CAP2: variants seen among roughly 807,000 people sequenced by gnomAD.
The protein encoded by CAP2 is cyclase associated actin cytoskeleton regulatory protein 2.
In CAP2, 24 loss-of-function variants were observed where a neutral mutation model predicts 57.7. The observed-to-expected ratio is 0.42, with a 90% CI of 0.30 to 0.58. The LOEUF (loss-of-function observed/expected upper bound fraction) is 0.58, where lower values mean the gene tolerates loss of function less well. Ranked by LOEUF, CAP2 falls within the 20% of genes least tolerant of loss-of-function variation. CAP2 has a pLI of 0.22. For missense variants in CAP2, 501 were observed against 590.3 expected (o/e 0.85, Z 1.57); for synonymous variants, 194 against 207.2 (o/e 0.94, Z 0.55).
At chr6:17,404,002 A>G (rs1458602784) in intron 1 of CAP2, among the ~76,000 whole-genome samples, 1 of 152,240 alleles carries the variant, frequency 6.6e-6, no homozygotes, top group Non-Finnish European at 1.5e-5. Context: ...ACAAGTAAAA[A>G]AATTGAAGAC....
At chr6:17,554,493 G>A (rs537217405) in intron 12 of CAP2, among the ~76,000 whole-genome samples, 1 of 152,374 alleles carries the variant, frequency 6.6e-6, no homozygotes, top group East Asian at 1.9e-4. Flanking sequence ...TCTGGGCTCA[G>A]AGGATCTGCT....
At chr6:17,493,875 C>T (rs1428031748) in intron 4 of CAP2, among the ~76,000 whole-genome samples, 3 of 151,848 alleles carry the variant, frequency 2.0e-5, no homozygotes, top group Non-Finnish European at 2.9e-5. Context: ...CGAAACAGTA[C>T]GTCTAAATCG....
chr6:17,545,694 C>T (rs1763026836), intron 11 of CAP2, among the ~76,000 whole-genome samples: 1 of 152,124 alleles, frequency 6.6e-6, no homozygotes, highest in Non-Finnish European at 1.5e-5. Context: ...CTATCCCTCC[C>T]CCTCCCCCAA....
At chr6:17,454,239 G>T (rs1043032267) in intron 3 of CAP2, among the ~76,000 whole-genome samples, 1 of 152,018 alleles carries the variant, frequency 6.6e-6, no homozygotes, top group Non-Finnish European at 1.5e-5. Context: ...TCCCTGGGAT[G>T]CATGGGAGAC....
At chr6:17,435,560 T>C (rs1466428652) in intron 3 of CAP2, among the ~76,000 whole-genome samples, 2 of 118,150 alleles carry the variant, frequency 1.7e-5, no homozygotes, top group South Asian at 3.4e-4. Flanking sequence ...AGGGATAGCA[T>C]TGGGAGATAT....
intron 7 of CAP2, chr6:17,531,146 C>T (rs557968722): frequency 2.6e-6 from 2 of 763,568 alleles, no homozygotes; most frequent in African/African-American, 3.4e-5. Context: ...AAGCAATTCG[C>T]TTCTTACTGA....
chr6:17,492,745 C>T (rs1761574364), intron 4 of CAP2, among the ~76,000 whole-genome samples: 1 of 152,156 alleles, frequency 6.6e-6, no homozygotes, highest in African/African-American at 2.4e-5. Context: ...AATAAAATCT[C>T]CCCTCCTCCT....
chr6:17,411,869 A>G (rs1244501121), intron 1 of CAP2, among the ~76,000 whole-genome samples: 2 of 152,128 alleles, frequency 1.3e-5, no homozygotes, highest in African/African-American at 4.8e-5. Context: ...AACAAGCGCA[A>G]AGGGGCAACG....
intron 3 of CAP2, among the ~76,000 whole-genome samples, chr6:17,446,534 G>C (rs1760262539): frequency 6.6e-6 from 1 of 152,226 alleles, no homozygotes; most frequent in Non-Finnish European, 1.5e-5. Flanking sequence ...AGAAGAGTAG[G>C]GAGGTGGCAT....
At chr6:17,400,610 T>C (rs1338298199) in intron 1 of CAP2, among the ~76,000 whole-genome samples, 3 of 152,076 alleles carry the variant, frequency 2.0e-5, no homozygotes, top group Non-Finnish European at 2.9e-5. Flanking sequence ...ATGCCTCTAA[T>C]CCCAGCACTT....
chr6:17,478,347 G>A (rs1288443825), intron 4 of CAP2, among the ~76,000 whole-genome samples: 1 of 141,636 alleles, frequency 7.1e-6, no homozygotes, highest in Non-Finnish European at 1.5e-5. Context: ...GGTCTCACTA[G>A]GTTGGCCAGG....
Position 17,426,665 on chromosome 6 carries a change from T to A in CAP2, c.197T>A (p.Ile66Asn). ...MVAEFLKNSR[I>N]LAGDVETHAE... ...GCCGAGTTTTTAAAGAACAGTAGGA[T>A]CCTTGCTGGGGACGTGGAGACCCAT... The change falls in exon 3 of 13, where the codon ATC becomes AAC. Residue 66 changes from isoleucine to asparagine, a missense_variant. Transcript: ENST00000229922. 6.2e-7 allele frequency: 1 copy of A among 1,613,896 alleles called. No individual in the cohort carries two copies. The highest frequency in any genetic ancestry group is 8.5e-7 in the Non-Finnish European group (1 of 1,179,788).
At chr6:17,425,697 C>T (rs1759570871) in intron 2 of CAP2, among the ~76,000 whole-genome samples, 1 of 152,146 alleles carries the variant, frequency 6.6e-6, no homozygotes, top group Non-Finnish European at 1.5e-5. Flanking sequence ...TACCTACCTC[C>T]CTGGGTCCGG....
chr6:17,531,751 C>G (rs993345961), intron 7 of CAP2: 5 of 595,108 alleles, frequency 8.4e-6, no homozygotes, highest in Non-Finnish European at 1.5e-5. Flanking sequence ...ACATTCCCCC[C>G]ATGCTTAAAG....
intron 4 of CAP2, among the ~76,000 whole-genome samples, chr6:17,484,441 G>A (rs536405449): frequency 6.6e-6 from 1 of 152,176 alleles, no homozygotes; most frequent in Non-Finnish European, 1.5e-5. Context: ...GCGGCATCAT[G>A]AGGGTAATGT....
chr6:17,510,407 T>C (rs1762115230), intron 6 of CAP2, among the ~76,000 whole-genome samples: 1 of 152,218 alleles, frequency 6.6e-6, no homozygotes, highest in Admixed American at 6.5e-5. Context: ...AGTCGTTCCA[T>C]GTTGCTTTTG....
At chr6:17,410,593 G>A (rs1054496871) in intron 1 of CAP2, among the ~76,000 whole-genome samples, 3 of 150,138 alleles carry the variant, frequency 2.0e-5, no homozygotes, top group Non-Finnish European at 3.0e-5. Flanking sequence ...TTTTTGAGAC[G>A]GAGTCCAGAG....
chr6:17,395,376 A>G (rs926872546), intron 1 of CAP2, among the ~76,000 whole-genome samples: 1 of 152,254 alleles, frequency 6.6e-6, no homozygotes, highest in Non-Finnish European at 1.5e-5. Context: ...TGAACCTTGA[A>G]CTTTTCACCA....
intron 4 of CAP2, among the ~76,000 whole-genome samples, chr6:17,467,447 C>A (rs764200506): frequency 2.6e-5 from 4 of 152,152 alleles, no homozygotes; most frequent in Non-Finnish European, 5.9e-5. Context: ...TACATAATAA[C>A]CACATCACGG....
Sources: allele counts gnomAD v4.1 joint callset (sites outside exome capture counted in the v4.1 genomes callset), GRCh38; gene constraint gnomAD v4.1.1; transcripts MANE v1.5; gene names NCBI Gene and HGNC (gene_info 2026-07-23, HGNC 2026-07-21).